The following MEOX1 variants were observed in gnomAD, a reference collection of about 807,000 sequenced individuals.
The protein encoded by MEOX1 is mesenchyme homeobox 1, also known as homeobox protein MOX-1.
MEOX1 carries 17 observed loss-of-function variants against 23.2 expected under a neutral mutation model. The observed-to-expected ratio is 0.73, with a 90% CI of 0.50 to 1.10. MEOX1 has a LOEUF of 1.10. MEOX1 is among the 50% of genes least tolerant of loss of function. The pLI, the probability that MEOX1 is intolerant of heterozygous loss-of-function variation, is 0.00. For synonymous variants in MEOX1, 134 were observed against 135.1 expected, an observed-to-expected ratio of 0.99 and a Z score of 0.06; for missense variants, 333 against 332.2, an observed-to-expected ratio of 1.00 and a Z score of -0.02.
chr17:43,651,028 C>T (rs889869181), intron 1 of MEOX1, among the ~76,000 whole-genome samples: 3 of 152,032 alleles, frequency 2.0e-5, no homozygotes, highest in Admixed American at 6.6e-5. Context: ...AATGAAAATG[C>T]GTAATGCTGG....
chr17:43,659,822 G>T (rs890724034), intron 1 of MEOX1, among the ~76,000 whole-genome samples: 6 of 152,192 alleles, frequency 3.9e-5, no homozygotes, highest in Non-Finnish European at 5.9e-5. Flanking sequence ...CCCCATCAGG[G>T]CACATCCCAC....
Position 43,641,965 on chromosome 17 carries a change from G to C in MEOX1, c.710C>G (p.Pro237Arg), listed in dbSNP as rs143115124. The C allele has an allele frequency of 1.7e-5, 28 of 1,613,634 alleles. No homozygotes were observed. The highest frequency in any genetic ancestry group is 1.3e-4 in the South Asian group (12 of 91,070). The change falls in exon 3 of 3, where the codon CCC becomes CGC. Residue 237 changes from proline (P) to arginine (R), a missense_variant. Coordinates refer to ENST00000318579, the MANE Select transcript of MEOX1 (RefSeq NM_004527.4). ...KRVKGGQPIS[P>R]NGQDPEDGDS... is the part of the protein sequence containing the mutation. The stretch of plus-strand genomic sequence containing the variant: ...CCCATCCTCAGGGTCCTGCCCATTG[G>C]GGGAGATGGGCTGACCTCCCTTCAC...
chr17:43,653,345 G>T (rs1972953930), intron 1 of MEOX1, among the ~76,000 whole-genome samples: 1 of 150,088 alleles, frequency 6.7e-6, no homozygotes, highest in African/African-American at 2.5e-5. Context: ...TCATCATGTT[G>T]GTCAGGCTGG....
intron 1 of MEOX1, among the ~76,000 whole-genome samples, chr17:43,650,281 G>T (rs976726561): frequency 6.6e-6 from 1 of 152,130 alleles, no homozygotes; most frequent in Non-Finnish European, 1.5e-5. Flanking sequence ...GCTTAGAGAA[G>T]GTAAGGAACT....
intron 1 of MEOX1, among the ~76,000 whole-genome samples, chr17:43,655,685 AAG>A (rs1188449652): frequency 5.3e-4 from 76 of 144,408 alleles, no homozygotes; most frequent in African/African-American, 1.6e-3. Flanking sequence ...AAAAAAAAAA[AAG>A]AAGAAAATCC....
chr17:43,651,084 C>T (rs994406068), intron 1 of MEOX1, among the ~76,000 whole-genome samples: 2 of 152,008 alleles, frequency 1.3e-5, no homozygotes, highest in African/African-American at 4.8e-5. Flanking sequence ...TTTGGGAGGC[C>T]GAGGCGGGTG....
At chr17:43,659,595 A>T (rs1371650309) in intron 1 of MEOX1, among the ~76,000 whole-genome samples, 2 of 152,162 alleles carry the variant, frequency 1.3e-5, no homozygotes, top group East Asian at 3.8e-4. Context: ...GTTTCCTACG[A>T]CAGGATTTTC....
intron 2 of MEOX1, among the ~76,000 whole-genome samples, chr17:43,642,636 C>T (rs886485141): frequency 2.6e-5 from 4 of 151,872 alleles, no homozygotes; most frequent in South Asian, 2.1e-4. Context: ...ACTATTATTC[C>T]GTATCAGAGC....
chr17:43,646,662 G>T (rs775929061), intron 1 of MEOX1, among the ~76,000 whole-genome samples: 1 of 152,198 alleles, frequency 6.6e-6, no homozygotes, highest in Non-Finnish European at 1.5e-5. Context: ...GAGTTAATAT[G>T]TGTGTGCAAC....
At chr17:43,656,996 TTTTC>T (rs1181433539) in intron 1 of MEOX1, among the ~76,000 whole-genome samples, 6 of 128,298 alleles carry the variant, frequency 4.7e-5, no homozygotes, top group Non-Finnish European at 7.8e-5. Context: ...CTTTCTTTCT[TTTTC>T]TTTCTTTCTT....
chr17:43,657,026 C>CTTTCT (rs1435403834), intron 1 of MEOX1, among the ~76,000 whole-genome samples: 166 of 127,738 alleles, frequency 1.3e-3, no homozygotes, highest in Non-Finnish European at 2.4e-3. Flanking sequence ...TTCTTTCTTT[C>CTTTCT]TTTCTTTCTT....
At position 43,653,068 on chromosome 17, in the gene MEOX1, G is replaced by A. The variant is rs1048039557; in HGVS notation, c.469+7998C>T. Reference sequence around the variant, plus strand: ...AGGATGGTCTCGATCTTCTGACATCGTGATTCACCAGCCTCAGCCTCCCAA... The same window carrying A: ...AGGATGGTCTCGATCTTCTGACATCATGATTCACCAGCCTCAGCCTCCCAA... On this transcript the variant is annotated intron_variant, in intron 1 of 2. Coordinates refer to ENST00000318579, the MANE Select transcript of MEOX1 (RefSeq NM_004527.4). Among the ~76,000 whole-genome samples the A allele has an allele frequency of 3.3e-5, 5 of 151,000 alleles. No homozygotes were observed. The East Asian group carries it at 7.8e-4, about 24-fold the overall frequency.
Position 43,641,751 on chromosome 17 carries a change from A to T in MEOX1, c.*159T>A. 1 of 729,700 alleles carries T rather than the reference A, an allele frequency of 1.4e-6. No homozygotes were observed. The highest frequency in any genetic ancestry group is 2.2e-6 in the Non-Finnish European group (1 of 457,982). 45.2% of individuals were successfully genotyped at this position (729,700 alleles called of 1,614,324 possible). Reference sequence around the variant, plus strand: ...TGGACAGAACTTCCTAGAAAATCCTAAGACTCCCAGGAATGCTGGGCAGTT... The same window carrying T: ...TGGACAGAACTTCCTAGAAAATCCTTAGACTCCCAGGAATGCTGGGCAGTT... On this transcript the variant is annotated 3_prime_UTR_variant, in exon 3 of 3. Coordinates refer to ENST00000318579, the MANE Select transcript of MEOX1 (RefSeq NM_004527.4).
chr17:43,651,777 AAAT>A (rs1330734169), intron 1 of MEOX1, among the ~76,000 whole-genome samples: 1 of 152,140 alleles, frequency 6.6e-6, no homozygotes, highest in Non-Finnish European at 1.5e-5. Context: ...CAAGCCAGAG[AAAT>A]AGGTGAGCGG....
intron 1 of MEOX1, among the ~76,000 whole-genome samples, 177 bp downstream of exon 1, chr17:43,660,889 C>T (rs1973125215): frequency 6.6e-6 from 1 of 152,182 alleles, no homozygotes; most frequent in Admixed American, 6.5e-5. Flanking sequence ...TGGTCCCCAT[C>T]ACCAGAGAAT....
At chr17:43,650,127 C>G (rs1483169750) in intron 1 of MEOX1, among the ~76,000 whole-genome samples, 1 of 152,204 alleles carries the variant, frequency 6.6e-6, no homozygotes, top group Non-Finnish European at 1.5e-5. Flanking sequence ...GCCTCACATT[C>G]AAATAGCACT....
In MEOX1 at chr17:43,643,653, C is replaced by G. The variant is rs776844226; in HGVS notation, c.477G>C (p.Gln159His). The G allele has an allele frequency of 6.2e-7, 1 of 1,612,662 alleles. No individual in the cohort carries two copies. Residue 159 changes from glutamine (Q) to histidine (H), a missense_variant, in exon 2 of 3, where the codon CAG (glutamine) becomes CAC (histidine). Transcript: ENST00000318579. ...SRRRKESSDN[Q>H]ENRGKPEGSS... is the part of the protein sequence containing the mutation. ...TGCCCTCCGGCTTCCCTCTGTTCTC[C>G]TGGTTGTCTGGGGAGAGAGGACCCC...
chr17:43,661,107 T>A lies in MEOX1; in HGVS notation c.428A>T (p.Glu143Val). Residue 143 changes from glutamate (E) to valine (V), a missense_variant, in exon 1 of 3, where the codon GAG (glutamate) becomes GTG (valine). Coordinates refer to ENST00000318579, the MANE Select transcript of MEOX1 (RefSeq NM_004527.4). ...DYGVLGSTANETEKKSSRRRK... is the reference protein window; with the variant it reads ...DYGVLGSTANVTEKKSSRRRK... ...CCGCCTGGATGATTTCTTCTCTGTCTCATTGGCAGTGCTCCCAAGCACCCC... is the reference window on the plus strand; with the variant it reads ...CCGCCTGGATGATTTCTTCTCTGTCACATTGGCAGTGCTCCCAAGCACCCC... The A allele has an allele frequency of 6.6e-7, 1 of 1,505,390 alleles. No homozygotes were observed. The highest frequency in any genetic ancestry group is 8.9e-7 in the Non-Finnish European group (1 of 1,127,520). 93.3% of individuals were successfully genotyped at this position (1,505,390 alleles called of 1,614,324 possible). A position where few individuals can be genotyped will look rare whatever the true frequency, so the allele number is the denominator to read the frequency against.
intron 2 of MEOX1, 102 bp from the exon 3 acceptor site, chr17:43,642,134 C>A (rs949988130): frequency 3.8e-6 from 5 of 1,304,194 alleles, no homozygotes; most frequent in African/African-American, 1.5e-5. Context: ...GGGACCCCAG[C>A]TTGAAACCAT....
Sources: allele counts gnomAD v4.1 joint callset (sites outside exome capture counted in the v4.1 genomes callset), GRCh38; gene constraint gnomAD v4.1.1; transcripts MANE v1.5; gene names NCBI Gene and HGNC (gene_info 2026-07-23, HGNC 2026-07-21).